ASIC2: variants seen among roughly 807,000 people sequenced by gnomAD.
ASIC2 encodes acid sensing ion channel subunit 2.
ASIC2 carries 25 observed loss-of-function variants against 57.3 expected under a neutral mutation model. The ratio of observed to expected loss-of-function variants is 0.44; its 90% CI spans 0.32 to 0.61. The LOEUF is 0.61. ASIC2 is among the 20% of genes least tolerant of loss of function. The probability of loss-of-function intolerance (pLI) is 0.06; values close to 1 mark genes in which losing one functional copy is unlikely to be tolerated. For synonymous variants in ASIC2, 319 were observed against 307.5 expected, an observed-to-expected ratio of 1.04 and a Z score of -0.39; for missense variants, 641 against 738.1, an observed-to-expected ratio of 0.87 and a Z score of 1.52.
intron 1 of ASIC2, among the ~76,000 whole-genome samples, chr17:33,222,250 T>C (rs1423586405): frequency 6.6e-6 from 1 of 152,198 alleles, no homozygotes; most frequent in African/African-American, 2.4e-5. Context: ...TATTTAACAA[T>C]GAAAAATGAA....
At chr17:33,780,552 G>C (rs9916849) in intron 1 of ASIC2, among the ~76,000 whole-genome samples, 6,957 of 152,310 alleles carry the variant, frequency 0.046, 357 homozygotes, top group African/African-American at 0.13. Context: ...ACAGCCAAAG[G>C]GACCTGAGTT....
intron 1 of ASIC2, among the ~76,000 whole-genome samples, chr17:34,066,761 G>T (rs1252565671): frequency 6.6e-6 from 1 of 152,184 alleles, no homozygotes; most frequent in African/African-American, 2.4e-5. Context: ...TTACAGAAGG[G>T]CCAAAGTGGA....
chr17:33,195,790 T>A (rs1906601201), intron 1 of ASIC2, among the ~76,000 whole-genome samples: 1 of 152,160 alleles, frequency 6.6e-6, no homozygotes. Context: ...GGTCTTCTGA[T>A]CCTTCATTCT....
intron 1 of ASIC2, among the ~76,000 whole-genome samples, chr17:33,487,719 G>A (rs8069555): frequency 0.16 from 25,044 of 152,166 alleles, 2,576 homozygotes; most frequent in African/African-American, 0.29. Flanking sequence ...AGCTGCCAGC[G>A]TGGCCAGAAT....
At chr17:34,023,039 T>A (rs1907239957) in intron 1 of ASIC2, among the ~76,000 whole-genome samples, 1 of 152,186 alleles carries the variant, frequency 6.6e-6, no homozygotes, top group South Asian at 2.1e-4. Flanking sequence ...CCTTCTGCCA[T>A]GCTTGTAAGT....
At chr17:34,115,714 C>CCA (rs1567827562) in intron 1 of ASIC2, among the ~76,000 whole-genome samples, 1 of 152,142 alleles carries the variant, frequency 6.6e-6, no homozygotes, top group Admixed American at 6.5e-5. Context: ...CTGTCCTATC[C>CCA]CACTTCCCTC....
intron 1 of ASIC2, chr17:34,004,885 G>T (rs957482529): frequency 3.3e-5 from 5 of 152,016 alleles, no homozygotes; most frequent in Non-Finnish European, 7.4e-5. Flanking sequence ...GGTGGGTGGG[G>T]GTAGGGAGGT....
chr17:34,096,686 C>T (rs893077672), intron 1 of ASIC2, among the ~76,000 whole-genome samples: 1 of 151,624 alleles, frequency 6.6e-6, no homozygotes, highest in South Asian at 2.1e-4. Flanking sequence ...AACCCCGTCT[C>T]TACTAAAAAA....
In ASIC2 at chr17:34,131,928, G is replaced by A. The variant is rs1911982019; in HGVS notation, c.555+24050C>T. Among the ~76,000 whole-genome samples, 3 of 152,196 alleles carry A rather than the reference G, an allele frequency of 2.0e-5. No homozygotes were observed. The South Asian group carries it at 6.2e-4, about 32-fold the overall frequency. ...CCATTCTTCTCTGAGGGACATTTAG[G>A]AACTCTGGTCTCTCTTGGGGCAGTG... On this transcript the variant is annotated intron_variant, in intron 1 of 9. Transcript: ENST00000359872.
At chr17:33,509,811 C>T (rs908363445) in intron 1 of ASIC2, among the ~76,000 whole-genome samples, 1 of 152,220 alleles carries the variant, frequency 6.6e-6, no homozygotes, top group Non-Finnish European at 1.5e-5. Context: ...ACTTAAGGAA[C>T]TGGTGAAAGC....
intron 1 of ASIC2, among the ~76,000 whole-genome samples, chr17:33,956,293 C>T (rs534038515): frequency 8.5e-5 from 13 of 152,280 alleles, no homozygotes; most frequent in South Asian, 2.1e-4. Context: ...GGTTGTATCT[C>T]AAGAATTGAC....
intron 1 of ASIC2, among the ~76,000 whole-genome samples, chr17:33,994,623 G>C (rs4566226): frequency 6.6e-6 from 1 of 152,150 alleles, no homozygotes; most frequent in South Asian, 2.1e-4. Flanking sequence ...AACGTGCGAA[G>C]TTAGCTGTAG....
At chr17:33,613,656 C>T (rs1007611832) in intron 1 of ASIC2, among the ~76,000 whole-genome samples, 9 of 152,132 alleles carry the variant, frequency 5.9e-5, no homozygotes, top group Admixed American at 1.3e-4. Flanking sequence ...CGTGAGCCAC[C>T]GCGCCTGGCC....
At chr17:33,240,851 C>A (rs944236265) in intron 1 of ASIC2, among the ~76,000 whole-genome samples, 6 of 152,212 alleles carry the variant, frequency 3.9e-5, no homozygotes, top group Admixed American at 3.9e-4. Flanking sequence ...CCCTTCCAAG[C>A]AAAGCAAAGC....
chr17:33,119,586 A>G (rs979796666), intron 1 of ASIC2, among the ~76,000 whole-genome samples: 1 of 152,226 alleles, frequency 6.6e-6, no homozygotes, highest in African/African-American at 2.4e-5. Context: ...GCTGCTGTAG[A>G]TGGTTAGCTC....
At chr17:33,306,439 C>A (rs1461635576) in intron 1 of ASIC2, among the ~76,000 whole-genome samples, 1 of 152,082 alleles carries the variant, frequency 6.6e-6, no homozygotes, top group Admixed American at 6.5e-5. Flanking sequence ...GACAATGTAT[C>A]CTTTTAAATT....
chr17:33,950,235 A>T (rs1422819283), intron 1 of ASIC2, among the ~76,000 whole-genome samples: 1 of 152,144 alleles, frequency 6.6e-6, no homozygotes, highest in Non-Finnish European at 1.5e-5. Context: ...TCTAGAGTTG[A>T]TTACCAGGGA....
chr17:34,073,425 C>CA, intron 1 of ASIC2, among the ~76,000 whole-genome samples: 1 of 152,178 alleles, frequency 6.6e-6, no homozygotes, highest in Non-Finnish European at 1.5e-5. Flanking sequence ...ACGACCTTAT[C>CA]AGAGGGAGAA....
rs201807010 is a variant in ASIC2, at chr17:34,012,718, AT to A, written c.555+143259del. Among the ~76,000 whole-genome samples, 474 of 149,472 alleles carry A rather than the reference AT, an allele frequency of 3.2e-3. 2 individuals carry two copies. The highest frequency in any genetic ancestry group is 9.8e-3 in the African/African-American group (398 of 40,654). On this transcript the variant is annotated intron_variant, in intron 1 of 9. Coordinates refer to the ASIC2 transcript ENST00000359872. ...TTGAACTCCTTATGGACAGAGAATGATTTTTTTTTTTCTAAATTCCCGGAGA... is the reference window on the plus strand; with the variant it reads ...TTGAACTCCTTATGGACAGAGAATGATTTTTTTTTTCTAAATTCCCGGAGA...
Sources: allele counts gnomAD v4.1 joint callset (sites outside exome capture counted in the v4.1 genomes callset), GRCh38; gene constraint gnomAD v4.1.1; transcripts MANE v1.5; gene names NCBI Gene and HGNC (gene_info 2026-07-23, HGNC 2026-07-21).